VAPB: variants seen among roughly 807,000 people sequenced by gnomAD.
The protein encoded by VAPB is vesicle-associated membrane protein-associated protein B/C.
VAPB carries 7 observed loss-of-function variants against 25.6 expected under a neutral mutation model. The ratio of observed to expected loss-of-function variants is 0.27; its 90% CI spans 0.16 to 0.51. VAPB has a LOEUF of 0.51. Among genes scored for constraint, VAPB ranks in the 20% least tolerant of loss-of-function variants. VAPB has a pLI of 0.97. For synonymous variants in VAPB, 112 were observed against 109.2 expected (o/e 1.03, Z -0.16); for missense variants, 266 against 301.3 (o/e 0.88, Z 0.87).
At chr20:58,404,413 G>C (rs911930737) in intron 1 of VAPB, among the ~76,000 whole-genome samples, 2 of 152,124 alleles carry the variant, frequency 1.3e-5, no homozygotes, top group African/African-American at 4.8e-5. Flanking sequence ...TGTACTTTGC[G>C]TTATCTGCTT....
At chr20:58,425,473 A>G (rs1359239877) in intron 2 of VAPB, among the ~76,000 whole-genome samples, 1 of 152,268 alleles carries the variant, frequency 6.6e-6, no homozygotes, top group Non-Finnish European at 1.5e-5. Flanking sequence ...AAAAAATGCA[A>G]ATTAGCACCC....
chr20:58,414,832 G>A (rs1988496821), intron 1 of VAPB, among the ~76,000 whole-genome samples: 1 of 152,360 alleles, frequency 6.6e-6, no homozygotes, highest in South Asian at 2.1e-4. Context: ...TGGCGGCCGG[G>A]CAGAGGCTGC....
chr20:58,437,740 C>T (rs933853429), intron 3 of VAPB, among the ~76,000 whole-genome samples: 2 of 152,212 alleles, frequency 1.3e-5, no homozygotes, highest in Non-Finnish European at 2.9e-5. Context: ...TGGACATTTT[C>T]TCCATCTAAC....
intron 3 of VAPB, among the ~76,000 whole-genome samples, chr20:58,435,442 G>A (rs950125129): frequency 6.6e-6 from 1 of 152,180 alleles, no homozygotes; most frequent in African/African-American, 2.4e-5. Context: ...TTACAGTTCA[G>A]GAAAGCAGGA....
chr20:58,438,105 A>G (rs1206998658), intron 3 of VAPB, among the ~76,000 whole-genome samples: 1 of 152,124 alleles, frequency 6.6e-6, no homozygotes, highest in African/African-American at 2.4e-5. Flanking sequence ...GGAGGGATGG[A>G]GATGGGTCTT....
At chr20:58,436,076 G>GT (rs1989037841) in intron 3 of VAPB, among the ~76,000 whole-genome samples, 1 of 152,140 alleles carries the variant, frequency 6.6e-6, no homozygotes, top group Non-Finnish European at 1.5e-5. Context: ...GTGTGCCTGT[G>GT]TAAGTGCCTG....
intron 1 of VAPB, among the ~76,000 whole-genome samples, chr20:58,392,124 A>T (rs1987816550): frequency 6.6e-6 from 1 of 152,234 alleles, no homozygotes; most frequent in Non-Finnish European, 1.5e-5. Flanking sequence ...GTGTGACCTT[A>T]GGCCACTTCA....
chr20:58,443,920 C>CAA (rs1160453016), intron 5 of VAPB, among the ~76,000 whole-genome samples, 157 bp from the exon 6 acceptor site: 1 of 152,122 alleles, frequency 6.6e-6, no homozygotes, highest in African/African-American at 2.4e-5. Context: ...TAGCCCTTTC[C>CAA]CCTCTGTAGC....
At chr20:58,418,532 A>G (rs1442095358) in intron 2 of VAPB, among the ~76,000 whole-genome samples, 169 bp downstream of exon 2, 1 of 131,862 alleles carries the variant, frequency 7.6e-6, no homozygotes. Context: ...GTGATCAGAA[A>G]GCTGGGTCCC....
Position 58,441,053 on chromosome 20 carries a change from G to GAAC in VAPB, c.544_545insACA (p.Gln181_Arg182insAsn). The GAAC allele has an allele frequency of 6.2e-7, 1 of 1,614,096 alleles. No homozygotes were observed. The highest frequency in any genetic ancestry group is 8.5e-7 in the Non-Finnish European group (1 of 1,179,998). On this transcript the variant is annotated inframe_insertion, in exon 5 of 6. Coordinates refer to ENST00000475243, the MANE Select transcript of VAPB (RefSeq NM_004738.5). ...GTAAGAGGCTGCAAGGTGAAGTTCA[G>GAAC]AGGCTACGGGAGGAGAACAAGCAGT...
intron 5 of VAPB, 65 bp downstream of exon 5, chr20:58,441,148 G>A: frequency 1.9e-6 from 3 of 1,540,546 alleles, no homozygotes; most frequent in Middle Eastern, 3.3e-4. Flanking sequence ...CTTGGGTGGG[G>A]AAGTTGATGA....
At chr20:58,397,500 CAA>C (rs1415482912) in intron 1 of VAPB, among the ~76,000 whole-genome samples, 8 of 143,106 alleles carry the variant, frequency 5.6e-5, no homozygotes, top group African/African-American at 2.2e-4. Context: ...GCCTGGGCAA[CAA>C]GAGCAAAACT....
chr20:58,423,412 C>CACAAAAAAAAAAAAAAAAAAA (rs1988711592), intron 2 of VAPB, among the ~76,000 whole-genome samples: 1 of 12,382 alleles, frequency 8.1e-5, no homozygotes. Context: ...AACTCCATCT[C>CACAAAAAAAAAAAAAAAAAAA]ACAAAAAAAA....
rs556678500 is a variant in VAPB at position 58,419,428 on chromosome 20, T to C, written c.211+1065T>C. ...GCAAGACCTGATCTTCGAATCAAGT[T>C]ATTATCTTGAAGTCAGGAGGGTCGA... On this transcript the variant is annotated intron_variant, in intron 2 of 5. Transcript: ENST00000475243. Among the ~76,000 whole-genome samples, 93 of 152,306 alleles carry C rather than the reference T, an allele frequency of 6.1e-4. 2 individuals are homozygous for C. In the South Asian group the frequency reaches 0.016, roughly 25 times the overall value.
chr20:58,423,779 C>T (rs774249776), intron 2 of VAPB, among the ~76,000 whole-genome samples: 16 of 152,172 alleles, frequency 1.1e-4, no homozygotes, highest in Non-Finnish European at 2.4e-4. Flanking sequence ...CTCTGATAAG[C>T]GAAACTTTTT....
chr20:58,441,086 A>G lies in VAPB; in HGVS notation c.573+3A>G. 3 of 1,613,678 alleles carry G rather than the reference A, an allele frequency of 1.9e-6. No individual in the cohort carries two copies. The highest frequency in any genetic ancestry group is 2.5e-6 in the Non-Finnish European group (3 of 1,179,774). On this transcript the variant is annotated splice_donor_region_variant and intron_variant, in intron 5 of 5. Coordinates refer to ENST00000475243, the MANE Select transcript of VAPB (RefSeq NM_004738.5). ...GGGAGGAGAACAAGCAGTTCAAGGT[A>G]ATAGTTTATTTTCTGGTAATCTACA...
At chr20:58,393,188 C>T (rs1464708355) in intron 1 of VAPB, among the ~76,000 whole-genome samples, 1 of 152,068 alleles carries the variant, frequency 6.6e-6, no homozygotes, top group Non-Finnish European at 1.5e-5. Context: ...TGCCACCATT[C>T]CTGGCTAATT....
rs764635518 is a variant in VAPB at position 58,444,696 on chromosome 20, CT to C, written c.*464del. ...CGTGGCCCACTCCCGGCCCAGGCTG[CT>C]TTCCGTGTCTTCAGTTCTGTCCAAG... On this transcript the variant is annotated 3_prime_UTR_variant, in exon 6 of 6. Transcript: ENST00000475243. 4.4e-6 allele frequency: 2 copies of C among 454,364 alleles called. No homozygotes were observed. Among genetic ancestry groups the C allele is most frequent in the South Asian group, 1.6e-5 (1 of 64,476 alleles). The allele number at this position is 454,364 out of a possible 1,614,324, so 28.1% of individuals were successfully genotyped here. A position where few individuals can be genotyped will look rare whatever the true frequency, so the allele number is the denominator to read the frequency against.
chr20:58,416,159 C>T (rs1988536062), intron 1 of VAPB, among the ~76,000 whole-genome samples: 1 of 152,110 alleles, frequency 6.6e-6, no homozygotes, highest in Admixed American at 6.5e-5. Context: ...TTATTTTATC[C>T]TGTTTATTAT....
Sources: gnomAD v4.1 joint callset for allele counts (sites outside exome capture counted in the v4.1 genomes callset) on GRCh38, gnomAD v4.1.1 for gene constraint, MANE v1.5 for transcripts, NCBI Gene and HGNC (gene_info 2026-07-23, HGNC 2026-07-21) for gene names.